Variants in TBC1D1 observed in about 807,000 individuals in gnomAD.
TBC1D1 encodes TBC1 domain family member 1.
A neutral mutation model predicts 125.6 loss-of-function variants in TBC1D1; 89 were observed. That is an observed-to-expected ratio of 0.71 (90% CI 0.60 to 0.85). The LOEUF (loss-of-function observed/expected upper bound fraction) is 0.85. Ranked by LOEUF, TBC1D1 falls within the 40% of genes least tolerant of loss-of-function variation. The pLI is 0.00. For synonymous variants in TBC1D1, 565 were observed against 564.1 expected (o/e 1.00, Z -0.02); for missense variants, 1,377 against 1,469.2 (o/e 0.94, Z 1.03).
intron 2 of TBC1D1, among the ~76,000 whole-genome samples, chr4:37,971,003 G>A (rs55869915): frequency 0.094 from 14,357 of 152,106 alleles, 1,510 homozygotes; most frequent in East Asian, 0.48. Flanking sequence ...AGGTTTTGCC[G>A]CCCTTGCTTC....
intron 18 of TBC1D1, among the ~76,000 whole-genome samples, chr4:38,129,670 A>T (rs1469025243): frequency 6.6e-6 from 1 of 152,174 alleles, no homozygotes; most frequent in Non-Finnish European, 1.5e-5. Context: ...GTGTCCATGG[A>T]CTGTGAAGAG....
intron 2 of TBC1D1, among the ~76,000 whole-genome samples, chr4:37,991,173 C>G (rs775509937): frequency 6.6e-6 from 1 of 152,146 alleles, no homozygotes; most frequent in Non-Finnish European, 1.5e-5. Flanking sequence ...AATAATTTCC[C>G]AAATGTAGTA....
At chr4:37,905,155 A>T (rs1474104041) in intron 2 of TBC1D1, among the ~76,000 whole-genome samples, 1 of 152,250 alleles carries the variant, frequency 6.6e-6, no homozygotes. Context: ...TTTTATAAGC[A>T]TGCCATGAGA....
chr4:38,051,765 A>G, intron 11 of TBC1D1, 134 bp from the exon 12 acceptor site: 2 of 794,798 alleles, frequency 2.5e-6, no homozygotes. Flanking sequence ...GGAGTGGAAG[A>G]AGTCCTCCAC....
intron 14 of TBC1D1, among the ~76,000 whole-genome samples, chr4:38,097,799 T>C (rs923799993): frequency 2.6e-5 from 4 of 152,226 alleles, no homozygotes; most frequent in African/African-American, 9.6e-5. Context: ...TTTTCATCTC[T>C]AGGAGCATAA....
chr4:38,094,059 A>G (rs889536190), intron 13 of TBC1D1, among the ~76,000 whole-genome samples: 1 of 152,268 alleles, frequency 6.6e-6, no homozygotes, highest in Admixed American at 6.5e-5. Context: ...TAAATAATAC[A>G]TGATGGTTTA....
intron 10 of TBC1D1, among the ~76,000 whole-genome samples, chr4:38,048,981 T>TTTTTATCATC (rs1354081373): frequency 1.3e-5 from 2 of 152,192 alleles, no homozygotes; most frequent in Non-Finnish European, 2.9e-5. Context: ...AAAAAGTACT[T>TTTTTATCATC]TTGGTTGTAT....
At chr4:37,991,741 C>T (rs971519192) in intron 2 of TBC1D1, among the ~76,000 whole-genome samples, 1 of 151,992 alleles carries the variant, frequency 6.6e-6, no homozygotes, top group African/African-American at 2.4e-5. Context: ...CCCAGTGTTG[C>T]CTAAAAAACC....
chr4:38,053,255 G>T, intron 11 of TBC1D1, 30 bp downstream of exon 13: 1 of 1,433,796 alleles, frequency 7.0e-7, no homozygotes, highest in Non-Finnish European at 9.2e-7. Context: ...TATCAAGCCT[G>T]GGTGTTACTA....
chr4:38,118,405 A>C, intron 17 of TBC1D1: 1 of 581,072 alleles, frequency 1.7e-6, no homozygotes, highest in East Asian at 2.9e-5. Context: ...AGATGCCTTC[A>C]TCTTGTGGGA....
intron 14 of TBC1D1, among the ~76,000 whole-genome samples, chr4:38,102,198 CA>C (rs1245501975): frequency 6.6e-6 from 1 of 151,832 alleles, no homozygotes; most frequent in Non-Finnish European, 1.5e-5. Context: ...ACATATGTAA[CA>C]AACCTGCACG....
At chr4:38,133,908 A>C (rs1410882695) in intron 19 of TBC1D1, among the ~76,000 whole-genome samples, 1 of 151,924 alleles carries the variant, frequency 6.6e-6, no homozygotes, top group African/African-American at 2.4e-5. Flanking sequence ...CATCACCCCC[A>C]CCCCCACATC....
intron 10 of TBC1D1, among the ~76,000 whole-genome samples, chr4:38,046,136 C>T (rs1229911132): frequency 2.0e-5 from 3 of 152,214 alleles, no homozygotes; most frequent in South Asian, 2.1e-4. Flanking sequence ...GAGGCGGACG[C>T]GGGCGGATCA....
At chr4:38,118,958 G>A (rs550771371) in intron 17 of TBC1D1, among the ~76,000 whole-genome samples, 28 of 152,314 alleles carry the variant, frequency 1.8e-4, no homozygotes, top group African/African-American at 5.3e-4. Flanking sequence ...ATCAGGAACC[G>A]AGTGGAATGT....
intron 18 of TBC1D1, among the ~76,000 whole-genome samples, chr4:38,129,670 A>C (rs1469025243): frequency 6.6e-6 from 1 of 152,174 alleles, no homozygotes. Context: ...GTGTCCATGG[A>C]CTGTGAAGAG....
At chr4:38,126,564 A>G (rs539095494) in intron 18 of TBC1D1, among the ~76,000 whole-genome samples, 8 of 152,366 alleles carry the variant, frequency 5.3e-5, no homozygotes, top group African/African-American at 1.4e-4. Context: ...TGCACATTGC[A>G]TATGCCCTTA....
intron 2 of TBC1D1, among the ~76,000 whole-genome samples, chr4:37,958,934 T>G (rs1338250086): frequency 6.6e-6 from 1 of 152,150 alleles, no homozygotes; most frequent in East Asian, 1.9e-4. Context: ...CACTGGCACA[T>G]CATATATTTA....
In TBC1D1 at chr4:37,987,414, T is replaced by C. The variant is rs1351471511; in HGVS notation, c.418-27095T>C. Among the ~76,000 whole-genome samples the C allele has an allele frequency of 2.6e-5, 4 of 152,176 alleles. No homozygotes were observed. The East Asian group carries it at 7.7e-4, about 29-fold the overall frequency. On this transcript the variant is annotated intron_variant, in intron 2 of 19. Transcript: ENST00000261439. ...CTCTAAATTCATATTTTATCTGTTG[T>C]ACCTGCATTGTCTCTGTAACGGGGA...
At chr4:38,069,743 C>T (rs1754376602) in intron 12 of TBC1D1, among the ~76,000 whole-genome samples, 1 of 152,146 alleles carries the variant, frequency 6.6e-6, no homozygotes, top group Non-Finnish European at 1.5e-5. Flanking sequence ...ATGATTGGCC[C>T]AGCTCAGGGT....
Sources: allele counts gnomAD v4.1 joint callset (sites outside exome capture counted in the v4.1 genomes callset), GRCh38; gene constraint gnomAD v4.1.1; transcripts MANE v1.5; gene names NCBI Gene and HGNC (gene_info 2026-07-23, HGNC 2026-07-21).